The following CLCN5 variants were observed in gnomAD, a reference collection of about 807,000 sequenced individuals.
The protein encoded by CLCN5 is H(+)/Cl(-) exchange transporter 5.
A neutral mutation model predicts 54.0 loss-of-function variants in CLCN5; 17 were observed. The ratio of observed to expected loss-of-function variants is 0.31; its 90% CI spans 0.22 to 0.47. CLCN5 has a LOEUF of 0.47. Among genes scored for constraint, CLCN5 ranks in the 20% least tolerant of loss-of-function variants. CLCN5 has a pLI of 1.00. For synonymous variants in CLCN5, 222 were observed against 233.0 expected, an observed-to-expected ratio of 0.95 and a Z score of 0.43; for missense variants, 448 against 646.7, an observed-to-expected ratio of 0.69 and a Z score of 3.33.
chrX:50,079,258 C>G (rs1364686650), intron 7 of CLCN5, among the ~76,000 whole-genome samples: 1 of 111,760 alleles, frequency 8.9e-6, no homozygotes, highest in Non-Finnish European at 1.9e-5. Context: ...ATGTGTTCCT[C>G]TGAGGGCCTA....
chrX:50,041,519 A>G (rs182597611), intron 3 of CLCN5, among the ~76,000 whole-genome samples: 3 of 111,014 alleles, frequency 2.7e-5, no homozygotes, highest in Non-Finnish European at 5.7e-5. Context: ...GTCATCTAGT[A>G]TTTCTGTGCA....
chrX:49,923,092 C>T (rs1264326297), intron 1 of CLCN5, among the ~76,000 whole-genome samples: 1 of 113,246 alleles, frequency 8.8e-6, no homozygotes. Flanking sequence ...GCCAAGCCCG[C>T]CCCGCTTTTG....
At chrX:50,016,935 T>C (rs1557183642) in intron 3 of CLCN5, among the ~76,000 whole-genome samples, 6 of 111,591 alleles carry the variant, frequency 5.4e-5, no homozygotes, top group Non-Finnish European at 1.1e-4. Flanking sequence ...TTCATTTTTT[T>C]CCCCATTTAT....
intron 3 of CLCN5, among the ~76,000 whole-genome samples, chrX:49,966,612 A>ATTTT (rs1183495910): frequency 1.2e-3 from 22 of 19,079 alleles, no homozygotes; most frequent in Non-Finnish European, 1.5e-3. Context: ...TTTTTTTTTT[A>ATTTT]TTTTTTTATT....
Position 50,044,636 on chromosome X carries a change from C to T in CLCN5, c.163+2174C>T, listed in dbSNP as rs185475514. On this transcript the variant is annotated intron_variant, in intron 4 of 14. Transcript: ENST00000376091. ...CGGTGGAGTCAGGAGCAATTTTTTG[C>T]GGGCAGGGGATGGATGTTACAAAGT... 5.9e-4 allele frequency among the ~76,000 whole-genome samples: 65 copies of T among 110,429 alleles called. 1 individual carries two copies. Among genetic ancestry groups the T allele is most frequent in the African/African-American group, 2.1e-3 (64 of 30,376 alleles).
intron 3 of CLCN5, among the ~76,000 whole-genome samples, chrX:50,040,026 A>C (rs1271744518): frequency 1.3e-4 from 14 of 111,955 alleles, no homozygotes; most frequent in African/African-American, 4.5e-4. Flanking sequence ...AAGTAAAGGC[A>C]CTTCTTCCTG....
At chrX:49,988,854 T>C (rs1557178559) in intron 3 of CLCN5, among the ~76,000 whole-genome samples, 1 of 110,744 alleles carries the variant, frequency 9.0e-6, no homozygotes, top group African/African-American at 3.3e-5. Context: ...CCTTGTGCCA[T>C]ACTAGGAGTA....
At chrX:49,965,859 CTATT>C (rs1927816956) in intron 3 of CLCN5, among the ~76,000 whole-genome samples, 2 of 107,638 alleles carry the variant, frequency 1.9e-5, no homozygotes, top group Admixed American at 1.9e-4. Context: ...TTTTCTCTAT[CTATT>C]GTGGTGATCA....
At chrX:50,003,042 AT>A in intron 3 of CLCN5, 1 of 280,951 alleles carries the variant, frequency 3.6e-6, no homozygotes, top group Non-Finnish European at 7.2e-6. Context: ...ACATATGTGA[AT>A]GTACACAAGC....
chrX:50,059,381 G>C, intron 4 of CLCN5, among the ~76,000 whole-genome samples: 1 of 112,148 alleles, frequency 8.9e-6, no homozygotes, highest in South Asian at 3.7e-4. Flanking sequence ...AAATATTGCT[G>C]TAGGGGCCAC....
intron 3 of CLCN5, among the ~76,000 whole-genome samples, chrX:49,938,168 G>T (rs904315930): frequency 2.7e-5 from 3 of 111,423 alleles, no homozygotes; most frequent in African/African-American, 3.3e-5. Flanking sequence ...ACACAAGACA[G>T]GTTTTACTTT....
At chrX:50,065,865 A>G (rs1932990776) in intron 4 of CLCN5, among the ~76,000 whole-genome samples, 1 of 100,905 alleles carries the variant, frequency 9.9e-6, no homozygotes, top group Non-Finnish European at 2.0e-5. Flanking sequence ...CTTTGTAGGG[A>G]CATGGATGAA....
chrX:50,065,967 T>A (rs189760755), intron 4 of CLCN5, among the ~76,000 whole-genome samples: 3,643 of 83,442 alleles, frequency 0.044, 289 homozygotes, highest in African/African-American at 0.17. Context: ...AACAATGAGA[T>A]CACATGGACA....
chrX:49,933,020 A>C (rs782543831), intron 3 of CLCN5, among the ~76,000 whole-genome samples: 1 of 111,473 alleles, frequency 9.0e-6, no homozygotes, highest in African/African-American at 3.3e-5. Context: ...CTGGGTAGCC[A>C]TGTGGCTTGC....
chrX:50,003,282 A>G, intron 3 of CLCN5: 1 of 366,921 alleles, frequency 2.7e-6, no homozygotes, highest in South Asian at 2.5e-5. Context: ...ATGGACAGGT[A>G]CACCAAAGGG....
chrX:49,966,523 T>G (rs1022966686), intron 3 of CLCN5, among the ~76,000 whole-genome samples: 1 of 106,326 alleles, frequency 9.4e-6, no homozygotes, highest in Non-Finnish European at 1.9e-5. Context: ...ATTTCCTTGA[T>G]TTTTCTTTCA....
chrX:50,013,621 A>G (rs368086742), intron 3 of CLCN5, among the ~76,000 whole-genome samples: 4 of 112,339 alleles, frequency 3.6e-5, no homozygotes, highest in African/African-American at 1.3e-4. Context: ...CAAAGCTGAA[A>G]GGAAGGAGCC....
chrX:50,069,560 A>T, intron 4 of CLCN5: 1 of 801,281 alleles, frequency 1.2e-6, no homozygotes. Context: ...AAACTGAAAT[A>T]CCTAAGCTGC....
intron 4 of CLCN5, among the ~76,000 whole-genome samples, chrX:50,043,542 T>C (rs1932293342): frequency 8.9e-6 from 1 of 111,956 alleles, no homozygotes; most frequent in African/African-American, 3.2e-5. Context: ...AGGTTGAGCA[T>C]ATTTTTATAT....
Sources: gnomAD v4.1 joint callset for allele counts (sites outside exome capture counted in the v4.1 genomes callset) on GRCh38, gnomAD v4.1.1 for gene constraint, MANE v1.5 for transcripts, NCBI Gene and HGNC (gene_info 2026-07-23, HGNC 2026-07-21) for gene names.